Variants in CTNND2 observed in about 807,000 individuals in gnomAD.
CTNND2 encodes the protein catenin delta 2, also known as catenin delta-2.
Under a neutral mutation model 144.4 loss-of-function variants are expected in CTNND2, and 22 were observed. The observed-to-expected ratio is 0.15, with a 90% confidence interval of 0.11 to 0.22. The LOEUF (loss-of-function observed/expected upper bound fraction) is 0.22, where lower values mean the gene tolerates loss of function less well. Among genes scored for constraint, CTNND2 ranks in the 10% least tolerant of loss-of-function variants. The probability of loss-of-function intolerance (pLI) is 1.00; values close to 1 mark genes in which losing one functional copy is unlikely to be tolerated. For missense variants in CTNND2, 1,353 were observed against 1,618.8 expected (o/e 0.84, Z 2.82); for synonymous variants, 751 against 695.6 (o/e 1.08, Z -1.25).
At chr5:11,275,348 C>G (rs1746421139) in intron 9 of CTNND2, among the ~76,000 whole-genome samples, 1 of 152,176 alleles carries the variant, frequency 6.6e-6, no homozygotes, top group Non-Finnish European at 1.5e-5. Context: ...AACTGGTAAG[C>G]AGTGATGTCA....
chr5:11,160,680 C>T (rs1452184521), intron 11 of CTNND2, among the ~76,000 whole-genome samples: 1 of 152,166 alleles, frequency 6.6e-6, no homozygotes, highest in Non-Finnish European at 1.5e-5. Flanking sequence ...TAAACACGTA[C>T]CATCACTGCA....
Position 11,236,748 on chromosome 5 carries a change from A to T in CTNND2, c.1704T>A (p.Ser568=), listed in dbSNP as rs1741677516. Residue 568 remains serine (S), a synonymous_variant, in exon 10 of 22, where the codon TCT becomes TCA. Transcript: ENST00000304623. ...MLQHQFPSVQ[S]NAAAYLQHLC... The stretch of plus-strand genomic sequence containing the variant: ...GGTGTTGCAAGTAGGCTGCCGCGTT[A>T]GACTGGACCGAGGGAAACTGGTGCT... The T allele has an allele frequency of 5.0e-6, 8 of 1,614,196 alleles. No homozygotes were observed. Among genetic ancestry groups the T allele is most frequent in the Non-Finnish European group, 6.8e-6 (8 of 1,180,028 alleles).
chr5:10,977,943 C>G (rs9312748), intron 21 of CTNND2, among the ~76,000 whole-genome samples: 15,657 of 152,230 alleles, frequency 0.1, 906 homozygotes, highest in East Asian at 0.21. Flanking sequence ...GCAGGCGTCT[C>G]TTTCTCAGCT....
chr5:11,666,929 C>T (rs2072152915), intron 2 of CTNND2, among the ~76,000 whole-genome samples: 1 of 151,990 alleles, frequency 6.6e-6, no homozygotes, highest in South Asian at 2.1e-4. Flanking sequence ...GCCCCCACCC[C>T]CTGACAGGCC....
At chr5:11,300,952 A>G (rs1317347318) in intron 9 of CTNND2, among the ~76,000 whole-genome samples, 2 of 152,180 alleles carry the variant, frequency 1.3e-5, no homozygotes, top group African/African-American at 4.8e-5. Flanking sequence ...CTGATGGGGA[A>G]GAAAACAAAA....
intron 3 of CTNND2, among the ~76,000 whole-genome samples, chr5:11,550,704 A>G (rs1775677258): frequency 6.6e-6 from 1 of 152,216 alleles, no homozygotes; most frequent in African/African-American, 2.4e-5. Context: ...TGCTGCTAAC[A>G]CAGCAATCTC....
At chr5:11,213,772 G>A (rs1738884756) in intron 10 of CTNND2, among the ~76,000 whole-genome samples, 1 of 152,034 alleles carries the variant, frequency 6.6e-6, no homozygotes. Flanking sequence ...AGCAGTTTGG[G>A]GGTTAGTACT....
At chr5:11,556,759 C>CA (rs56250602) in intron 3 of CTNND2, among the ~76,000 whole-genome samples, 152,132 of 152,232 alleles carry the variant, frequency 1, 76,017 homozygotes, top group Middle Eastern at 1. Flanking sequence ...CCTCTCTTTG[C>CA]AAAAGTTCAA....
At chr5:11,497,527 G>GT (rs1561477872) in intron 3 of CTNND2, among the ~76,000 whole-genome samples, 2 of 81,842 alleles carry the variant, frequency 2.4e-5, no homozygotes, top group African/African-American at 1.1e-4. Context: ...GGTGGGGGGG[G>GT]GCAATATGTG....
intron 8 of CTNND2, among the ~76,000 whole-genome samples, chr5:11,353,469 TC>T (rs1755541712): frequency 1.3e-5 from 2 of 152,204 alleles, no homozygotes; most frequent in Admixed American, 1.3e-4. Context: ...ATATAGAGTG[TC>T]ACTGCTTAAA....
intron 1 of CTNND2, among the ~76,000 whole-genome samples, chr5:11,892,569 AG>A (rs1737057344): frequency 6.6e-6 from 1 of 152,204 alleles, no homozygotes; most frequent in Non-Finnish European, 1.5e-5. Context: ...TTTGCTCTAA[AG>A]AATAAAAAGA....
chr5:11,751,600 T>C (rs1380412312), intron 1 of CTNND2, among the ~76,000 whole-genome samples: 6 of 151,912 alleles, frequency 3.9e-5, no homozygotes, highest in South Asian at 2.1e-4. Flanking sequence ...TGCCACAGTG[T>C]ATATCTGCCA....
chr5:10,984,224 ACCTC>A (rs760650092), intron 20 of CTNND2, among the ~76,000 whole-genome samples: 1 of 152,106 alleles, frequency 6.6e-6, no homozygotes, highest in Non-Finnish European at 1.5e-5. Flanking sequence ...TCCTGCTGCT[ACCTC>A]CGTATGTATC....
At chr5:11,731,833 G>A (rs1787405752) in intron 2 of CTNND2, among the ~76,000 whole-genome samples, 1 of 151,986 alleles carries the variant, frequency 6.6e-6, no homozygotes, top group Non-Finnish European at 1.5e-5. Flanking sequence ...ATTTCACTTT[G>A]TATGTTTAAT....
At chr5:11,743,521 G>A (rs1050298097) in intron 1 of CTNND2, among the ~76,000 whole-genome samples, 4 of 152,166 alleles carry the variant, frequency 2.6e-5, no homozygotes, top group African/African-American at 9.7e-5. Context: ...TGCAAATATA[G>A]AATCTGGCAA....
At position 11,822,661 on chromosome 5, in the gene CTNND2, C is replaced by G. The variant is rs149861023; in HGVS notation, c.37+81156G>C. Among the ~76,000 whole-genome samples, 23 of 152,218 alleles carry G rather than the reference C, an allele frequency of 1.5e-4. 1 individual carries two copies. Among genetic ancestry groups the G allele is most frequent in the Middle Eastern group, 3.4e-3 (1 of 294 alleles). On this transcript the variant is annotated intron_variant, in intron 1 of 21. Coordinates refer to ENST00000304623, the MANE Select transcript of CTNND2 (RefSeq NM_001332.4). ...TCCCTCTCTAGTGCTGTTTGACTTT[C>G]ACACTTTGAAAAGTGAGCTGCCATA... is the stretch of plus-strand genomic sequence containing the variant.
intron 3 of CTNND2, among the ~76,000 whole-genome samples, chr5:11,432,121 CTTT>C (rs5865940): frequency 3.2e-4 from 25 of 78,342 alleles, no homozygotes; most frequent in South Asian, 8.3e-4. Context: ...GAGGTTGAGG[CTTT>C]TTTTTTTTTT....
At chr5:11,455,165 C>CTGA (rs1453020009) in intron 3 of CTNND2, among the ~76,000 whole-genome samples, 1 of 151,406 alleles carries the variant, frequency 6.6e-6, no homozygotes, top group Non-Finnish European at 1.5e-5. Context: ...CATTCAAAGA[C>CTGA]TGATAGTAAA....
intron 16 of CTNND2, among the ~76,000 whole-genome samples, chr5:11,063,308 T>C (rs1049003460): frequency 2.6e-5 from 4 of 152,178 alleles, no homozygotes; most frequent in Non-Finnish European, 4.4e-5. Flanking sequence ...AAAAGGCTCA[T>C]CCATCTGGTG....
Sources: gnomAD v4.1 joint callset for allele counts (sites outside exome capture counted in the v4.1 genomes callset) on GRCh38, gnomAD v4.1.1 for gene constraint, MANE v1.5 for transcripts, NCBI Gene and HGNC (gene_info 2026-07-23, HGNC 2026-07-21) for gene names.